MTMR3: variants seen among roughly 807,000 people sequenced by gnomAD.
The protein encoded by MTMR3 is phosphatidylinositol-3,5-bisphosphate 3-phosphatase MTMR3.
In MTMR3, 32 loss-of-function variants were observed where a neutral mutation model predicts 132.4. The ratio of observed to expected loss-of-function variants is 0.24; its 90% CI spans 0.18 to 0.32. The LOEUF is 0.32. Among genes scored for constraint, MTMR3 ranks in the 10% least tolerant of loss-of-function variants. The pLI, the probability that MTMR3 is intolerant of heterozygous loss-of-function variation, is 1.00. For synonymous variants in MTMR3, 556 were observed against 550.3 expected (o/e 1.01, Z -0.14); for missense variants, 1,216 against 1,489.6 (o/e 0.82, Z 3.02).
intron 1 of MTMR3, among the ~76,000 whole-genome samples, chr22:29,952,817 G>C (rs892534453): frequency 6.6e-6 from 1 of 152,102 alleles, no homozygotes; most frequent in African/African-American, 2.4e-5. Context: ...TTACACAGTG[G>C]GTTTTGGTTA....
intron 1 of MTMR3, among the ~76,000 whole-genome samples, chr22:29,890,290 G>T (rs2064770650): frequency 6.6e-6 from 1 of 152,086 alleles, no homozygotes; most frequent in African/African-American, 2.4e-5. Context: ...GCCAAGGCGG[G>T]TGGATCACCT....
chr22:29,982,174 A>G (rs1341512775), intron 5 of MTMR3: 1 of 132,360 alleles, frequency 7.6e-6, no homozygotes, highest in Non-Finnish European at 1.5e-5. Context: ...GTGCCATTGC[A>G]CTCCAGCCTG....
Position 30,019,902 on chromosome 22 carries a change from C to A in MTMR3, c.2243C>A (p.Ala748Asp). ...CACCAAGACCCAGAACTGGGTGATG[C>A]TGCTCTGAGGAGCCATCTGGATATG... ...GLHQDPELGDAALRSHLDMSW... is the reference protein window; with the variant it reads ...GLHQDPELGDDALRSHLDMSW... Residue 748 changes from alanine (A) to aspartate (D), a missense_variant, in exon 17 of 20, where the codon GCT becomes GAT. This residue lies in a region of MTMR3 where 852 missense variants were observed against 852.0 expected (regional missense o/e 1.00). Coordinates refer to ENST00000401950, the MANE Select transcript of MTMR3 (RefSeq NM_021090.4). The A allele has an allele frequency of 6.2e-7, 1 of 1,614,214 alleles. No individual in the cohort carries two copies. Among genetic ancestry groups the A allele is most frequent in the South Asian group, 1.1e-5 (1 of 91,084 alleles).
chr22:29,943,339 C>T (rs927532228), intron 1 of MTMR3, among the ~76,000 whole-genome samples: 3 of 151,796 alleles, frequency 2.0e-5, no homozygotes, highest in African/African-American at 4.8e-5. Flanking sequence ...ACTACAGGCA[C>T]CTGCCACCAC....
intron 1 of MTMR3, among the ~76,000 whole-genome samples, chr22:29,916,344 T>C (rs1254344988): frequency 6.6e-6 from 1 of 152,194 alleles, no homozygotes; most frequent in Non-Finnish European, 1.5e-5. Flanking sequence ...TCTCACCTAA[T>C]ACATGTGCAG....
intron 1 of MTMR3, among the ~76,000 whole-genome samples, chr22:29,935,311 A>T (rs764862491): frequency 7.9e-5 from 12 of 152,226 alleles, no homozygotes; most frequent in Non-Finnish European, 1.5e-4. Context: ...ACACCATAAG[A>T]TACCATTGGG....
intron 15 of MTMR3, 138 bp from the exon 16 acceptor site, chr22:30,017,789 A>G: frequency 9.4e-7 from 1 of 1,065,284 alleles, no homozygotes; most frequent in South Asian, 1.4e-5. Context: ...ACCTGTATCC[A>G]TTGGTGCTGC....
At chr22:29,916,317 T>C (rs1196059903) in intron 1 of MTMR3, among the ~76,000 whole-genome samples, 1 of 152,228 alleles carries the variant, frequency 6.6e-6, no homozygotes, top group Non-Finnish European at 1.5e-5. Flanking sequence ...GGTTGTTCTT[T>C]GCCTACCCTC....
chr22:30,019,825 C>G lies in MTMR3; in HGVS notation c.2166C>G (p.Leu722=). 1 of 1,614,178 alleles carries G rather than the reference C, an allele frequency of 6.2e-7. No individual in the cohort carries two copies. Among genetic ancestry groups the G allele is most frequent in the Non-Finnish European group, 8.5e-7 (1 of 1,180,030 alleles). The change falls in exon 17 of 20, where the codon CTC becomes CTG. Residue 722 remains leucine, a synonymous_variant. Transcript: ENST00000401950. ...TACAGGAGGGTAAAGAGGACCCTCT[C>G]TTAGAAAAGGAGAGCAGGAGGAAGA... ...IEIQEGKEDP[L]LEKESRRKTP...
chr22:29,944,185 T>C (rs1329721425), intron 1 of MTMR3, among the ~76,000 whole-genome samples: 3 of 151,920 alleles, frequency 2.0e-5, no homozygotes, highest in South Asian at 2.1e-4. Flanking sequence ...GAACAGTGTT[T>C]CGTGGTTCCT....
At chr22:29,991,779 T>G (rs2145909943) in intron 7 of MTMR3, 109 bp downstream of exon 7, 1 of 1,183,130 alleles carries the variant, frequency 8.5e-7, no homozygotes, top group Middle Eastern at 2.2e-4. Context: ...AATCAGTGTA[T>G]ATTTTAAGGA....
intron 1 of MTMR3, among the ~76,000 whole-genome samples, chr22:29,926,587 G>T (rs1209326951): frequency 5.3e-5 from 8 of 152,204 alleles, no homozygotes; most frequent in Admixed American, 4.6e-4. Flanking sequence ...CATGCTAGTG[G>T]GTTTAAAGTG....
intron 1 of MTMR3, among the ~76,000 whole-genome samples, chr22:29,920,855 T>C (rs1005099989): frequency 8.5e-5 from 13 of 152,124 alleles, no homozygotes; most frequent in African/African-American, 3.1e-4. Context: ...TCTTTGAAGA[T>C]ACCTAATGGT....
rs2067921733 is a variant in MTMR3, at chr22:30,026,897, A to G, written c.*1096A>G. On this transcript the variant is annotated 3_prime_UTR_variant, in exon 20 of 20. Coordinates refer to ENST00000401950, the MANE Select transcript of MTMR3 (RefSeq NM_021090.4). ...CTCTTCTCTTCTTGGGACAGGAATAACTGCTGAGCAGTCCCCCTTTGCCAC... is the reference window on the plus strand; with the variant it reads ...CTCTTCTCTTCTTGGGACAGGAATAGCTGCTGAGCAGTCCCCCTTTGCCAC... 6.5e-6 allele frequency: 1 copy of G among 152,762 alleles called. No homozygotes were observed. Among genetic ancestry groups the G allele is most frequent in the Non-Finnish European group, 1.5e-5 (1 of 68,066 alleles). 9.5% of individuals were successfully genotyped at this position (152,762 alleles called of 1,614,324 possible). A position where few individuals can be genotyped will look rare whatever the true frequency, so the allele number is the denominator to read the frequency against.
intron 1 of MTMR3, among the ~76,000 whole-genome samples, chr22:29,908,136 G>A (rs985291612): frequency 1.3e-5 from 2 of 152,134 alleles, no homozygotes; most frequent in African/African-American, 4.8e-5. Flanking sequence ...TAAAACCTGG[G>A]GGTGGGAAAC....
At chr22:29,945,187 T>C (rs966771842) in intron 1 of MTMR3, among the ~76,000 whole-genome samples, 3 of 152,100 alleles carry the variant, frequency 2.0e-5, no homozygotes, top group African/African-American at 7.2e-5. Flanking sequence ...GAATTTTTCA[T>C]AGAGGTGGGA....
At chr22:29,926,433 T>C (rs922153914) in intron 1 of MTMR3, among the ~76,000 whole-genome samples, 5 of 152,214 alleles carry the variant, frequency 3.3e-5, no homozygotes, top group Non-Finnish European at 4.4e-5. Context: ...ATTTGGTAAC[T>C]GTATGTTTAA....
intron 2 of MTMR3, among the ~76,000 whole-genome samples, chr22:29,969,688 GCCCT>G (rs1182993311): frequency 1.4e-4 from 21 of 151,838 alleles, no homozygotes; most frequent in South Asian, 8.3e-4. Context: ...ACACCCCCAT[GCCCT>G]GCTAATTTTT....
chr22:29,940,962 G>A (rs538128140), intron 1 of MTMR3, among the ~76,000 whole-genome samples: 1 of 149,998 alleles, frequency 6.7e-6, no homozygotes, highest in Admixed American at 6.6e-5. Flanking sequence ...ATATGATCTT[G>A]ATTTTATGAT....
Sources: gnomAD v4.1 joint callset for allele counts (sites outside exome capture counted in the v4.1 genomes callset) on GRCh38, gnomAD v4.1.1 for gene constraint, gnomAD v4.1.1 regional missense constraint, MANE v1.5 for transcripts, NCBI Gene and HGNC (gene_info 2026-07-23, HGNC 2026-07-21) for gene names.